The following NSMAF variants were observed in gnomAD, a reference collection of about 807,000 sequenced individuals.
NSMAF encodes neutral sphingomyelinase activation associated factor.
NSMAF carries 90 observed loss-of-function variants against 134.9 expected under a neutral mutation model. That is an observed-to-expected ratio of 0.67 (90% CI 0.56 to 0.79). The LOEUF (loss-of-function observed/expected upper bound fraction) is 0.79. NSMAF is among the 30% of genes least tolerant of loss of function. The probability of loss-of-function intolerance (pLI) is 0.00; values close to 1 mark genes in which losing one functional copy is unlikely to be tolerated. For missense variants in NSMAF, 1,010 were observed against 1,119.0 expected (o/e 0.90, Z 1.39); for synonymous variants, 358 against 389.6 (o/e 0.92, Z 0.96).
chr8:58,638,620 A>G (rs79040519), intron 2 of NSMAF, among the ~76,000 whole-genome samples: 4,115 of 152,308 alleles, frequency 0.027, 204 homozygotes, highest in African/African-American at 0.093. Context: ...ATACATAAAA[A>G]TCTACTTGAA....
chr8:58,652,661 T>C (rs1807612851), intron 1 of NSMAF, among the ~76,000 whole-genome samples: 1 of 152,142 alleles, frequency 6.6e-6, no homozygotes. Context: ...AAGGCACAAC[T>C]ATCACTGACC....
chr8:58,605,307 T>G (rs975805654), intron 12 of NSMAF, among the ~76,000 whole-genome samples: 4 of 152,220 alleles, frequency 2.6e-5, no homozygotes, highest in Admixed American at 2.0e-4. Context: ...CTTTCAGCTT[T>G]GTGGTTCTGA....
Position 58,599,699 on chromosome 8 carries a change from A to T in NSMAF, c.1453+51T>A, listed in dbSNP as rs1028322258. The T allele has an allele frequency of 8.3e-6, 13 of 1,568,770 alleles. No homozygotes were observed. The African/African-American group carries it at 1.5e-4, about 18-fold the overall frequency. On this transcript the variant is annotated intron_variant, in intron 18 of 30. Coordinates refer to ENST00000038176, the MANE Select transcript of NSMAF (RefSeq NM_003580.4). ...GCAATAAAATAATTACTGAAATTGC[A>T]CTACTTGGTAAAGCATGTCTATAAT...
chr8:58,625,372 A>G (rs766951826), intron 6 of NSMAF, among the ~76,000 whole-genome samples: 3 of 144,498 alleles, frequency 2.1e-5, no homozygotes, highest in Non-Finnish European at 4.6e-5. Flanking sequence ...ATGGGTGTAT[A>G]TGTCTGTATA....
Position 58,643,039 on chromosome 8 carries a change from A to G in NSMAF, c.94T>C (p.Tyr32His), listed in dbSNP as rs1793179787. 1 of 1,614,138 alleles carries G rather than the reference A, an allele frequency of 6.2e-7. No individual in the cohort carries two copies. The highest frequency in any genetic ancestry group is 8.5e-7 in the Non-Finnish European group (1 of 1,179,996). The change falls in exon 2 of 31, where the codon TAC (tyrosine) becomes CAC (histidine). Residue 32 changes from tyrosine to histidine, a missense_variant. By Grantham distance (83) the Tyr-to-His change is moderately conservative. Coordinates refer to ENST00000038176, the MANE Select transcript of NSMAF (RefSeq NM_003580.4). ...TGATTGGCTCTATGCTGTTCAAAGT[A>G]GTACTCCTCCAAGTTAAGCAGCAGC... ...SLLLLNLEEYYFEQHRANHIL... is the reference protein window; with the variant it reads ...SLLLLNLEEYHFEQHRANHIL...
chr8:58,657,914 C>T (rs1052419683), intron 1 of NSMAF, among the ~76,000 whole-genome samples: 9 of 152,192 alleles, frequency 5.9e-5, no homozygotes, highest in African/African-American at 2.2e-4. Context: ...TCTAACAAAG[C>T]AGCATATACA....
At position 58,584,060 on chromosome 8, in the gene NSMAF, T is replaced by A; in HGVS notation, c.*46A>T. The A allele has an allele frequency of 7.1e-7, 1 of 1,403,660 alleles. No individual in the cohort carries two copies. The highest frequency in any genetic ancestry group is 1.0e-6 in the Non-Finnish European group (1 of 988,898). The allele number at this position is 1,403,660 out of a possible 1,614,324, so 87.0% of individuals were successfully genotyped here. ...TCCGTTTAAAAGTTTGGTTTAAAAA[T>A]GCATTAAATAGAGTTCAATTTAATA... On this transcript the variant is annotated 3_prime_UTR_variant, in exon 31 of 31. Coordinates refer to ENST00000038176, the MANE Select transcript of NSMAF (RefSeq NM_003580.4).
intron 2 of NSMAF, 53 bp downstream of exon 2, chr8:58,642,931 G>A: frequency 7.6e-7 from 1 of 1,313,606 alleles, no homozygotes; most frequent in Middle Eastern, 1.8e-4. Flanking sequence ...AACTTTAAAA[G>A]TTCAGATATC....
At chr8:58,602,162 C>T (rs746967940) in intron 13 of NSMAF, 25 bp from the exon 14 acceptor site, 16 of 1,569,180 alleles carry the variant, frequency 1.0e-5, no homozygotes, top group Non-Finnish European at 1.4e-5. Context: ...CAATAAATAA[C>T]TTCAGCTTAT....
At chr8:58,655,703 C>G (rs1167439520) in intron 1 of NSMAF, among the ~76,000 whole-genome samples, 4 of 151,838 alleles carry the variant, frequency 2.6e-5, no homozygotes, top group African/African-American at 7.3e-5. Context: ...GACAGGAGAT[C>G]GAGACCATCC....
chr8:58,653,469 T>C (rs949460821), intron 1 of NSMAF, among the ~76,000 whole-genome samples: 3 of 151,672 alleles, frequency 2.0e-5, no homozygotes, highest in African/African-American at 7.3e-5. Flanking sequence ...GGACACAGAA[T>C]AGTGAAAAGT....
At chr8:58,649,361 A>G (rs556554931) in intron 1 of NSMAF, among the ~76,000 whole-genome samples, 96 of 152,298 alleles carry the variant, frequency 6.3e-4, no homozygotes, top group African/African-American at 1.9e-3. Context: ...TCATAGGTGG[A>G]AAGAGATAGG....
At position 58,586,369 on chromosome 8, in the gene NSMAF, T is replaced by G. The variant is rs897051605; in HGVS notation, c.2446+89A>C. 7.7e-6 allele frequency: 10 copies of G among 1,299,924 alleles called. No homozygotes were observed. The Admixed American group carries it at 2.0e-4, about 26-fold the overall frequency. 80.5% of individuals were successfully genotyped at this position (1,299,924 alleles called of 1,614,324 possible). A position where few individuals can be genotyped will look rare whatever the true frequency, so the allele number is the denominator to read the frequency against. ...GCAAATAGTGTTTTTCTTTGTAAGT[T>G]TTATTGTTTATTTCAAAATTAACAA... On this transcript the variant is annotated intron_variant, in intron 28 of 30. Coordinates refer to ENST00000038176, the MANE Select transcript of NSMAF (RefSeq NM_003580.4).
intron 18 of NSMAF, 184 bp downstream of exon 18, chr8:58,599,566 A>G: frequency 1.1e-6 from 1 of 873,802 alleles, no homozygotes; most frequent in Non-Finnish European, 1.7e-6. Flanking sequence ...AGGTCTCTCA[A>G]ATATATATTA....
In NSMAF at chr8:58,601,426, T is replaced by C; in HGVS notation, c.1216+19A>G. The stretch of plus-strand genomic sequence containing the variant: ...CAGTGAAATAAAATTTAATTGGGGG[T>C]AATGATAAAGAATCTTACCAATCCT... On this transcript the variant is annotated intron_variant, in intron 15 of 30. Coordinates refer to ENST00000038176, the MANE Select transcript of NSMAF (RefSeq NM_003580.4). 1 of 1,611,928 alleles carries C rather than the reference T, an allele frequency of 6.2e-7. No homozygotes were observed. The highest frequency in any genetic ancestry group is 1.7e-5 in the Admixed American group (1 of 59,948).
chr8:58,610,647 C>A (rs1308402347), intron 9 of NSMAF, among the ~76,000 whole-genome samples: 2 of 152,058 alleles, frequency 1.3e-5, no homozygotes, highest in Non-Finnish European at 2.9e-5. Context: ...GGAGGAGCAA[C>A]CTATGATAGA....
chr8:58,591,019 G>C, intron 23 of NSMAF, 85 bp from the exon 24 acceptor site: 3 of 1,440,654 alleles, frequency 2.1e-6, no homozygotes, highest in Non-Finnish European at 2.8e-6. Context: ...TCTTGTTCCT[G>C]GTGGCCAACA....
intron 1 of NSMAF, 183 bp downstream of exon 1, chr8:58,659,390 G>C: frequency 1.3e-6 from 2 of 1,518,158 alleles, no homozygotes; most frequent in Non-Finnish European, 1.8e-6. Flanking sequence ...CCAGGCCCCC[G>C]GCCTCTCACC....
chr8:58,621,746 A>AT (rs1295002135), intron 9 of NSMAF, among the ~76,000 whole-genome samples: 3 of 152,106 alleles, frequency 2.0e-5, no homozygotes, highest in East Asian at 3.8e-4. Context: ...GGCATTGAGC[A>AT]TTTTTTCAGA....
Sources: gnomAD v4.1 joint callset for allele counts (sites outside exome capture counted in the v4.1 genomes callset) on GRCh38, gnomAD v4.1.1 for gene constraint, MANE v1.5 for transcripts, NCBI Gene and HGNC (gene_info 2026-07-23, HGNC 2026-07-21) for gene names.